Variants in FBN1 observed in about 807,000 individuals in gnomAD.
FBN1 encodes fibrillin-1.
In FBN1, 29 loss-of-function variants were observed where a neutral mutation model predicts 365.1. That is an observed-to-expected ratio of 0.08 (90% CI 0.06 to 0.11). The LOEUF (loss-of-function observed/expected upper bound fraction) is 0.11, where lower values mean the gene tolerates loss of function less well. Among genes scored for constraint, FBN1 ranks in the 10% least tolerant of loss-of-function variants. The pLI is 1.00. For synonymous variants in FBN1, 1,210 were observed against 1,270.5 expected, an observed-to-expected ratio of 0.95 and a Z score of 1.01; for missense variants, 2,476 against 3,703.2, an observed-to-expected ratio of 0.67 and a Z score of 8.60.
At chr15:48,586,979 C>A (rs1427746736) in intron 6 of FBN1, among the ~76,000 whole-genome samples, 5 of 152,008 alleles carry the variant, frequency 3.3e-5, no homozygotes, top group African/African-American at 9.7e-5. Context: ...TAAGTAAAAA[C>A]AGTTTCCTTC....
chr15:48,453,290 C>CAAAAAAAAAAAAAAAAA, intron 44 of FBN1, among the ~76,000 whole-genome samples: 1 of 32,910 alleles, frequency 3.0e-5, no homozygotes, highest in Non-Finnish European at 7.6e-5. Flanking sequence ...AAAAATAAAA[C>CAAAAAAAAAAAAAAAAA]AAACAAAAAA....
At position 48,515,482 on chromosome 15, in the gene FBN1, T is replaced by C. The variant is rs749133312; in HGVS notation, c.1373A>G (p.Tyr458Cys). 4 of 1,613,896 alleles carry C rather than the reference T, an allele frequency of 2.5e-6. No homozygotes were observed. Among genetic ancestry groups the C allele is most frequent in the African/African-American group, 1.3e-5 (1 of 74,898 alleles). The change falls in exon 12 of 66, where the codon TAT becomes TGT. Residue 458 changes from tyrosine (Y) to cysteine (C), a missense_variant. This residue lies in a region of FBN1 where 421 missense variants were observed against 520.1 expected (regional missense o/e 0.81). Coordinates refer to ENST00000316623, the MANE Select transcript of FBN1 (RefSeq NM_000138.5). ...NVTDYCQLVR[Y>C]LCQNGRCIPT... is the part of the protein sequence containing the mutation. Reference sequence around the variant, plus strand: ...AATGCAGCGTCCATTTTGACAGAGATAGCGGACCAACTGGCAGTAATCAGT... The same window carrying C: ...AATGCAGCGTCCATTTTGACAGAGACAGCGGACCAACTGGCAGTAATCAGT...
intron 46 of FBN1, 113 bp from the exon 47 acceptor site, chr15:48,446,935 G>A (rs1566898898): frequency 1.4e-6 from 1 of 719,546 alleles, no homozygotes; most frequent in Non-Finnish European, 2.5e-6. Flanking sequence ...CATAGGCTGA[G>A]AACTTCTTGA....
chr15:48,474,689 C>T, intron 32 of FBN1, 39 bp from the exon 33 acceptor site: 1 of 1,613,640 alleles, frequency 6.2e-7, no homozygotes, highest in South Asian at 1.1e-5. Flanking sequence ...AGGCTCAGCA[C>T]AAATGTCTTT....
rs763350939 is a variant in FBN1, at chr15:48,411,142, G to C, written c.8464C>G (p.Pro2822Ala). 1.2e-6 allele frequency: 2 copies of C among 1,614,122 alleles called. No individual in the cohort carries two copies. The highest frequency in any genetic ancestry group is 3.3e-5 in the Admixed American group (2 of 60,018). The stretch of plus-strand genomic sequence containing the variant: ...TGTAATGAATAGGTTCCAGCCACTG[G>C]CTTCTTCTTTGTGAAGTGGAGGTAG... ...ISYLHFTKKKPVAGTYSLQIS... is the reference protein window; with the variant it reads ...ISYLHFTKKKAVAGTYSLQIS... The change falls in exon 66 of 66, where the codon CCA becomes GCA. Residue 2822 changes from proline to alanine, a missense_variant. By Grantham distance (27) the Pro-to-Ala change is conservative. This residue lies in a region of FBN1 where 177 missense variants were observed against 192.7 expected (regional missense o/e 0.92). Coordinates refer to ENST00000316623, the MANE Select transcript of FBN1 (RefSeq NM_000138.5).
At chr15:48,445,561 C>A (rs1320857172) in intron 47 of FBN1, 57 bp from the exon 48 acceptor site, 5 of 1,583,074 alleles carry the variant, frequency 3.2e-6, no homozygotes, top group Non-Finnish European at 4.3e-6. Context: ...ATAATCCCAG[C>A]AATAATCAAA....
At chr15:48,639,044 T>C (rs1890151548) in intron 2 of FBN1, among the ~76,000 whole-genome samples, 1 of 152,212 alleles carries the variant, frequency 6.6e-6, no homozygotes, top group South Asian at 2.1e-4. Context: ...GACTAAATAA[T>C]ACTGTGTGAT....
At chr15:48,507,497 T>C (rs568386948) in intron 15 of FBN1, among the ~76,000 whole-genome samples, 1 of 152,284 alleles carries the variant, frequency 6.6e-6, no homozygotes, top group South Asian at 2.1e-4. Context: ...GGAAGACAGG[T>C]TTGCACAATA....
At position 48,452,704 on chromosome 15, in the gene FBN1, G is replaced by C; in HGVS notation, c.5423-20C>G. On this transcript the variant is annotated intron_variant, in intron 44 of 65. Coordinates refer to ENST00000316623, the MANE Select transcript of FBN1 (RefSeq NM_000138.5). ...CAATATCTACGAGCAGAAGAGAACT[G>C]AATTTGAAGGAGAACAGAATCTGGT... 1 of 1,613,758 alleles carries C rather than the reference G, an allele frequency of 6.2e-7. No homozygotes were observed. Among genetic ancestry groups the C allele is most frequent in the African/African-American group, 1.3e-5 (1 of 75,028 alleles).
At chr15:48,461,066 A>C (rs1397624807) in intron 42 of FBN1, among the ~76,000 whole-genome samples, 1 of 152,200 alleles carries the variant, frequency 6.6e-6, no homozygotes, top group Non-Finnish European at 1.5e-5. Flanking sequence ...ACGCTCAGTG[A>C]AAATCAGTAA....
chr15:48,439,789 A>C (rs1389188455), intron 50 of FBN1, among the ~76,000 whole-genome samples: 3 of 152,176 alleles, frequency 2.0e-5, no homozygotes, highest in Non-Finnish European at 4.4e-5. Flanking sequence ...CAGAGACTCA[A>C]ATGCACGAAG....
intron 15 of FBN1, among the ~76,000 whole-genome samples, chr15:48,507,130 G>A (rs2043715664): frequency 1.3e-5 from 2 of 152,170 alleles, no homozygotes; most frequent in South Asian, 4.1e-4. Flanking sequence ...TGTGGCCTGG[G>A]TCAGCAGGAG....
At position 48,437,311 on chromosome 15, in the gene FBN1, A is replaced by G. The variant is rs370322263; in HGVS notation, c.6379+11T>C. On this transcript the variant is annotated intron_variant, in intron 52 of 65. Transcript: ENST00000316623. ...CTGAGAAATGCTGAGAATCCAGCAC[A>G]GGCAACTGACCAACTGCTGAATCAT... 6.8e-6 allele frequency: 11 copies of G among 1,609,914 alleles called. No individual in the cohort carries two copies. In the African/African-American group the frequency reaches 1.5e-4, roughly 21 times the overall value.
At chr15:48,477,991 G>A (rs2043435154) in intron 32 of FBN1, among the ~76,000 whole-genome samples, 2 of 152,170 alleles carry the variant, frequency 1.3e-5, no homozygotes, top group Admixed American at 1.3e-4. Context: ...GCCCGGGGCT[G>A]CTGTGGCCTC....
intron 32 of FBN1, among the ~76,000 whole-genome samples, chr15:48,478,147 A>T (rs1294846513): frequency 6.6e-6 from 1 of 152,214 alleles, no homozygotes; most frequent in African/African-American, 2.4e-5. Flanking sequence ...AGAGGGCGTT[A>T]CCATGAATGG....
At chr15:48,610,861 T>C in intron 3 of FBN1, 35 bp from the exon 4 acceptor site, 1 of 1,567,074 alleles carries the variant, frequency 6.4e-7, no homozygotes, top group Non-Finnish European at 8.8e-7. Flanking sequence ...AGCACATGGA[T>C]TTGGAACACG....
At chr15:48,623,149 A>G (rs1889800486) in intron 2 of FBN1, among the ~76,000 whole-genome samples, 1 of 152,260 alleles carries the variant, frequency 6.6e-6, no homozygotes, top group Admixed American at 6.5e-5. Flanking sequence ...AGCACACAAG[A>G]TAATATTGAC....
intron 6 of FBN1, among the ~76,000 whole-genome samples, chr15:48,549,155 C>G (rs962596753): frequency 1.3e-5 from 2 of 152,216 alleles, no homozygotes; most frequent in Non-Finnish European, 2.9e-5. Context: ...TCAGATTTCT[C>G]TAGTTATGGG....
At chr15:48,437,431 A>G (rs1342139424) in intron 51 of FBN1, 44 bp from the exon 52 acceptor site, 1 of 1,482,622 alleles carries the variant, frequency 6.7e-7, no homozygotes, top group South Asian at 1.1e-5. Flanking sequence ...ATAGCAATTC[A>G]TTACAAGCTT....
Sources: gnomAD v4.1 joint callset for allele counts (sites outside exome capture counted in the v4.1 genomes callset) on GRCh38, gnomAD v4.1.1 for gene constraint, gnomAD v4.1.1 regional missense constraint, MANE v1.5 for transcripts, NCBI Gene and HGNC (gene_info 2026-07-23, HGNC 2026-07-21) for gene names.